The following MACC1 variants were observed in gnomAD, a reference collection of about 807,000 sequenced individuals.
The protein encoded by MACC1 is MET transcriptional regulator MACC1, also known as metastasis-associated in colon cancer protein 1.
MACC1 carries 79 observed loss-of-function variants against 70.7 expected under a neutral mutation model. That is an observed-to-expected ratio of 1.12 (90% CI 0.93 to 1.35). MACC1 has a LOEUF of 1.35. MACC1 is among the 40% of genes most tolerant of loss of function. MACC1 has a pLI of 0.00. For synonymous variants in MACC1, 361 were observed against 347.2 expected (o/e 1.04, Z -0.44); for missense variants, 1,106 against 978.1 (o/e 1.13, Z -1.74).
intron 1 of MACC1, among the ~76,000 whole-genome samples, chr7:20,200,351 G>A (rs1024381979): frequency 1.3e-5 from 2 of 152,084 alleles, no homozygotes; most frequent in African/African-American, 4.8e-5. Context: ...ACACTATTAA[G>A]TTATACTTCA....
intron 5 of MACC1, 88 bp from the exon 6 acceptor site, chr7:20,154,469 A>G: frequency 7.6e-7 from 1 of 1,310,210 alleles, no homozygotes; most frequent in Non-Finnish European, 1.0e-6. Context: ...ATATTCTACA[A>G]ATGGGAGTCC....
At chr7:20,190,909 G>A (rs1295343277) in intron 1 of MACC1, among the ~76,000 whole-genome samples, 4 of 152,142 alleles carry the variant, frequency 2.6e-5, no homozygotes. Context: ...AAACACAATT[G>A]TTACTATGTA....
chr7:20,181,143 A>G (rs1242930931), intron 1 of MACC1, among the ~76,000 whole-genome samples: 3 of 152,030 alleles, frequency 2.0e-5, no homozygotes, highest in African/African-American at 7.2e-5. Context: ...AAAATTCTCA[A>G]TGTACACATA....
At chr7:20,199,114 G>A (rs912984002) in intron 1 of MACC1, among the ~76,000 whole-genome samples, 2 of 152,316 alleles carry the variant, frequency 1.3e-5, no homozygotes, top group East Asian at 1.9e-4. Context: ...TTGTGCTTTT[G>A]AAAGCCAGCT....
At position 20,140,759 on chromosome 7, in the gene MACC1, T is replaced by C. The variant is rs1488852689; in HGVS notation, c.*187A>G. The C allele has an allele frequency of 4.4e-6, 2 of 453,694 alleles. No individual in the cohort carries two copies. Among genetic ancestry groups the C allele is most frequent in the Admixed American group, 4.2e-5 (1 of 24,068 alleles). 28.1% of individuals were successfully genotyped at this position (453,694 alleles called of 1,614,324 possible). ...AGGAAAAAAAAACTGGTTTTGAGCA[T>C]GAAGAAAATTAATATAATGCTTTTC... is the stretch of plus-strand genomic sequence containing the variant. On this transcript the variant is annotated 3_prime_UTR_variant, in exon 7 of 7. Coordinates refer to ENST00000400331, the MANE Select transcript of MACC1 (RefSeq NM_182762.4).
At chr7:20,145,777 G>A (rs1781881438) in intron 6 of MACC1, among the ~76,000 whole-genome samples, 1 of 152,104 alleles carries the variant, frequency 6.6e-6, no homozygotes, top group South Asian at 2.1e-4. Flanking sequence ...AATCGAGAAG[G>A]AATGAGAACA....
chr7:20,165,893 T>C (rs1464619452), intron 2 of MACC1, among the ~76,000 whole-genome samples: 1 of 152,218 alleles, frequency 6.6e-6, no homozygotes, highest in African/African-American at 2.4e-5. Context: ...TTTATTTTAC[T>C]ATTTAAACTA....
At chr7:20,145,703 A>C (rs921788440) in intron 6 of MACC1, among the ~76,000 whole-genome samples, 8 of 152,246 alleles carry the variant, frequency 5.3e-5, no homozygotes, top group Non-Finnish European at 1.2e-4. Flanking sequence ...AAACATAAAT[A>C]CAAAAGGATG....
chr7:20,180,011 T>G (rs937528549), intron 1 of MACC1, among the ~76,000 whole-genome samples: 23 of 152,294 alleles, frequency 1.5e-4, no homozygotes, highest in African/African-American at 4.8e-4. Context: ...TTAGGAGAGA[T>G]AAAAGAGTGT....
chr7:20,180,053 T>C (rs1037199063), intron 1 of MACC1, among the ~76,000 whole-genome samples: 3 of 152,182 alleles, frequency 2.0e-5, no homozygotes, highest in Non-Finnish European at 2.9e-5. Flanking sequence ...TTGATCAAAA[T>C]TCTGCTAAAT....
At chr7:20,201,916 A>G (rs139390546) in intron 1 of MACC1, among the ~76,000 whole-genome samples, 388 of 152,262 alleles carry the variant, frequency 2.5e-3, no homozygotes, top group Non-Finnish European at 4.6e-3. Flanking sequence ...TGAGTTTCAA[A>G]CCTCACTTAC....
intron 1 of MACC1, among the ~76,000 whole-genome samples, chr7:20,200,562 C>A (rs558781567): frequency 2.6e-5 from 4 of 152,160 alleles, no homozygotes; most frequent in Non-Finnish European, 4.4e-5. Context: ...AGGAAACTGC[C>A]AAACTCATCA....
At chr7:20,189,796 A>G (rs1782646002) in intron 1 of MACC1, among the ~76,000 whole-genome samples, 1 of 149,768 alleles carries the variant, frequency 6.7e-6, no homozygotes, top group Admixed American at 6.6e-5. Flanking sequence ...GAGAAAAAAG[A>G]GAGAGAGAGA....
chr7:20,156,219 T>C (rs999338832), intron 5 of MACC1, among the ~76,000 whole-genome samples: 2 of 152,042 alleles, frequency 1.3e-5, no homozygotes, highest in African/African-American at 4.8e-5. Context: ...GCAAATAAAG[T>C]TTCAAGAGAC....
At chr7:20,202,488 C>T (rs1023312373) in intron 1 of MACC1, among the ~76,000 whole-genome samples, 4 of 152,082 alleles carry the variant, frequency 2.6e-5, no homozygotes, top group Non-Finnish European at 5.9e-5. Flanking sequence ...AAATGGGACC[C>T]GGAACCAAAA....
At chr7:20,197,227 T>C (rs1782766971) in intron 1 of MACC1, among the ~76,000 whole-genome samples, 1 of 152,130 alleles carries the variant, frequency 6.6e-6, no homozygotes, top group Admixed American at 6.5e-5. Context: ...AGTCAACAAG[T>C]CAGTTAATAT....
chr7:20,166,186 CT>C (rs373135329), intron 2 of MACC1, among the ~76,000 whole-genome samples: 4 of 152,122 alleles, frequency 2.6e-5, no homozygotes, highest in African/African-American at 9.7e-5. Context: ...TGAATTTGTA[CT>C]GTATTTAACT....
rs139642499 is a variant in MACC1 at position 20,189,764 on chromosome 7, C to A, written c.-217-18986G>T. Among the ~76,000 whole-genome samples, 3 of 151,958 alleles carry A rather than the reference C, an allele frequency of 2.0e-5. No homozygotes were observed. The East Asian group carries it at 5.8e-4, about 29-fold the overall frequency. ...ACAAACACATAAACACACACACACA[C>A]ACACACACACATACACAGAGAGAGA... On this transcript the variant is annotated intron_variant, in intron 1 of 6. Coordinates refer to ENST00000400331, the MANE Select transcript of MACC1 (RefSeq NM_182762.4).
intron 2 of MACC1, among the ~76,000 whole-genome samples, chr7:20,166,237 A>G (rs1202049712): frequency 6.6e-6 from 1 of 152,222 alleles, no homozygotes; most frequent in Non-Finnish European, 1.5e-5. Context: ...CATGTAGGCT[A>G]TAACTCTTAT....
Sources: allele counts gnomAD v4.1 joint callset (sites outside exome capture counted in the v4.1 genomes callset), GRCh38; gene constraint gnomAD v4.1.1; transcripts MANE v1.5; gene names NCBI Gene and HGNC (gene_info 2026-07-23, HGNC 2026-07-21).